The following FARS2 variants were observed in gnomAD, a reference collection of about 807,000 sequenced individuals.
FARS2 encodes phenylalanyl-tRNA synthetase 2, mitochondrial.
A neutral mutation model predicts 46.4 loss-of-function variants in FARS2; 40 were observed. That is an observed-to-expected ratio of 0.86 (90% CI 0.67 to 1.12). The LOEUF (loss-of-function observed/expected upper bound fraction) is 1.12, where lower values mean the gene tolerates loss of function less well. Ranked by LOEUF, FARS2 falls within the 50% of genes most tolerant of loss-of-function variation. The pLI, the probability that FARS2 is intolerant of heterozygous loss-of-function variation, is 0.00. For missense variants in FARS2, 513 were observed against 567.9 expected, an observed-to-expected ratio of 0.90 and a Z score of 0.98; for synonymous variants, 234 against 214.9, an observed-to-expected ratio of 1.09 and a Z score of -0.78.
At position 5,438,707 on chromosome 6, in the gene FARS2, T is replaced by G. The variant is rs1763675766; in HGVS notation, c.904+7535T>G. ...AGAAGTGTTTCAGATTTTTGGATTT[T>G]GGAATATTTGCATTATACTTACTGT... On this transcript the variant is annotated intron_variant, in intron 4 of 6. Transcript: ENST00000274680. Among the ~76,000 whole-genome samples the G allele has an allele frequency of 2.0e-5, 3 of 152,216 alleles. No homozygotes were observed. The South Asian group carries it at 6.2e-4, about 31-fold the overall frequency.
chr6:5,503,021 T>G (rs1247428167), intron 4 of FARS2, among the ~76,000 whole-genome samples: 2 of 152,138 alleles, frequency 1.3e-5, no homozygotes, highest in African/African-American at 4.8e-5. Context: ...GCTCAATGTT[T>G]ATGATCAAAT....
At position 5,343,054 on chromosome 6, in the gene FARS2, C is replaced by T. The variant is rs1036211668; in HGVS notation, c.-21-25496C>T. On this transcript the variant is annotated intron_variant, in intron 1 of 6. Transcript: ENST00000274680. This position sits in a 1 kb window ranked among gnomAD's most constrained non-coding sequence, Gnocchi z 4.5. Reference sequence around the variant, plus strand: ...ACAGACAAAACCTCATTAAAATCTACATCACTCATTTCTGCCCTAATCTGT... The same window carrying T: ...ACAGACAAAACCTCATTAAAATCTATATCACTCATTTCTGCCCTAATCTGT... 6.6e-6 allele frequency among the ~76,000 whole-genome samples: 1 copy of T among 152,176 alleles called. No individual in the cohort carries two copies. The highest frequency in any genetic ancestry group is 1.9e-4 in the East Asian group (1 of 5,196).
At chr6:5,392,733 TATACACACACACACACAC>T (rs1760604469) in intron 2 of FARS2, among the ~76,000 whole-genome samples, 1 of 85,136 alleles carries the variant, frequency 1.2e-5, no homozygotes, top group African/African-American at 5.8e-5. Context: ...AATATATATA[TATACACACACACACACAC>T]ACACACACAC....
intron 4 of FARS2, among the ~76,000 whole-genome samples, chr6:5,487,119 A>G (rs1766820692): frequency 2.0e-5 from 3 of 152,208 alleles, no homozygotes; most frequent in South Asian, 2.1e-4. Context: ...CAGCTGATAT[A>G]ACATTGCTTA....
intron 4 of FARS2, among the ~76,000 whole-genome samples, chr6:5,445,131 G>T (rs986983200): frequency 2.6e-5 from 4 of 152,066 alleles, no homozygotes; most frequent in Non-Finnish European, 5.9e-5. Flanking sequence ...CAGGACTTGG[G>T]TGTATATGGT....
chr6:5,499,160 G>A (rs145526206), intron 4 of FARS2, among the ~76,000 whole-genome samples: 32 of 152,330 alleles, frequency 2.1e-4, no homozygotes, highest in East Asian at 1.4e-3. Context: ...TGGGCGAGGC[G>A]TGTATCGATG....
chr6:5,692,365 A>G (rs1010219130), intron 6 of FARS2, among the ~76,000 whole-genome samples: 2 of 152,164 alleles, frequency 1.3e-5, no homozygotes, highest in South Asian at 4.1e-4. Flanking sequence ...GCTGTTTAAA[A>G]TTTATCTCAA....
chr6:5,512,726 AC>A (rs1327676628), intron 4 of FARS2, among the ~76,000 whole-genome samples: 1 of 152,124 alleles, frequency 6.6e-6, no homozygotes, highest in Admixed American at 6.5e-5. Flanking sequence ...ATGTAAAAAC[AC>A]AAACACTTTC....
chr6:5,305,019 G>A (rs1370540608), intron 1 of FARS2, among the ~76,000 whole-genome samples: 2 of 152,150 alleles, frequency 1.3e-5, no homozygotes, highest in African/African-American at 2.4e-5. Flanking sequence ...CTGGGCATGC[G>A]CTCAGAAGAG....
chr6:5,378,258 A>G (rs1759511730), intron 2 of FARS2, among the ~76,000 whole-genome samples: 1 of 151,850 alleles, frequency 6.6e-6, no homozygotes, highest in Admixed American at 6.6e-5. Context: ...CACTGTCCTC[A>G]AACCACTGTC....
At chr6:5,565,171 A>G (rs1193488911) in intron 5 of FARS2, among the ~76,000 whole-genome samples, 1 of 152,244 alleles carries the variant, frequency 6.6e-6, no homozygotes, top group African/African-American at 2.4e-5. Flanking sequence ...TTACAGGAGT[A>G]TACCTTACTC....
At chr6:5,534,871 A>ACTTG (rs1770099841) in intron 4 of FARS2, among the ~76,000 whole-genome samples, 3 of 152,068 alleles carry the variant, frequency 2.0e-5, no homozygotes, top group South Asian at 4.1e-4. Flanking sequence ...ACACACACAC[A>ACTTG]CACAGAGACT....
chr6:5,511,535 T>C (rs533594168), intron 4 of FARS2, among the ~76,000 whole-genome samples: 2 of 151,996 alleles, frequency 1.3e-5, no homozygotes, highest in Non-Finnish European at 2.9e-5. Flanking sequence ...GCGCACAAAG[T>C]AGAATAAAAA....
At position 5,765,644 on chromosome 6, in the gene FARS2, A is replaced by T. The variant is rs1379268679; in HGVS notation, c.1218-5647A>T. Among the ~76,000 whole-genome samples the T allele has an allele frequency of 2.0e-5, 3 of 152,184 alleles. No homozygotes were observed. The East Asian group carries it at 5.8e-4, about 29-fold the overall frequency. On this transcript the variant is annotated intron_variant, in intron 6 of 6. Coordinates refer to ENST00000274680, the MANE Select transcript of FARS2 (RefSeq NM_006567.5). This position sits in a 1 kb window ranked among gnomAD's most constrained non-coding sequence, Gnocchi z 4.0. The stretch of plus-strand genomic sequence containing the variant: ...ACTGAAGAGCAAATCTCGGGAGAAC[A>T]TGAGGTTCCACGTGGGGTGCGGTGT...
At chr6:5,251,159 AGT>A in the FARS2 span, among the ~76,000 whole-genome samples, 7 of 152,336 alleles carry the variant, frequency 4.6e-5, no homozygotes, top group Admixed American at 1.3e-4. Flanking sequence ...ACTAGGTTCT[AGT>A]GTGGTAATAT....
intron 1 of FARS2, among the ~76,000 whole-genome samples, chr6:5,282,886 C>G (rs1046483336): frequency 1.3e-5 from 2 of 152,170 alleles, no homozygotes; most frequent in East Asian, 3.9e-4. Flanking sequence ...GCTGGCTGAA[C>G]AGCAGGGATA....
chr6:5,271,039 A>G (rs1765909141), intron 1 of FARS2, among the ~76,000 whole-genome samples: 1 of 152,216 alleles, frequency 6.6e-6, no homozygotes, highest in Admixed American at 6.5e-5. Context: ...CAAGTAACTG[A>G]AGTCAAATTG....
intron 5 of FARS2, among the ~76,000 whole-genome samples, chr6:5,575,262 T>C (rs1369937630): frequency 6.6e-6 from 1 of 152,210 alleles, no homozygotes; most frequent in Non-Finnish European, 1.5e-5. Flanking sequence ...ATCACCTTGT[T>C]CAACATCAGC....
chr6:5,673,957 T>C (rs745852386), intron 6 of FARS2, among the ~76,000 whole-genome samples: 18 of 152,046 alleles, frequency 1.2e-4, no homozygotes, highest in Non-Finnish European at 1.9e-4. Context: ...ATTTTACTTA[T>C]TTGCTTATTT....
Sources: gnomAD v4.1 joint callset for allele counts (sites outside exome capture counted in the v4.1 genomes callset) on GRCh38, gnomAD v4.1.1 for gene constraint, Gnocchi (gnomAD v3.1) non-coding constraint, MANE v1.5 for transcripts, NCBI Gene and HGNC (gene_info 2026-07-23, HGNC 2026-07-21) for gene names.